KCMF1: variants seen among roughly 807,000 people sequenced by gnomAD.
The protein encoded by KCMF1 is E3 ubiquitin-protein ligase KCMF1.
A neutral mutation model predicts 41.1 loss-of-function variants in KCMF1; 3 were observed. The observed-to-expected ratio is 0.07, with a 90% CI of 0.03 to 0.19. KCMF1 has a LOEUF of 0.19. KCMF1 is among the 10% of genes least tolerant of loss of function. The pLI, the probability that KCMF1 is intolerant of heterozygous loss-of-function variation, is 1.00. For missense variants in KCMF1, 286 were observed against 488.9 expected, an observed-to-expected ratio of 0.58 and a Z score of 3.91; for synonymous variants, 142 against 164.5, an observed-to-expected ratio of 0.86 and a Z score of 1.04.
intron 3 of KCMF1, among the ~76,000 whole-genome samples, chr2:85,039,167 C>T (rs1675467996): frequency 6.6e-6 from 1 of 152,156 alleles, no homozygotes; most frequent in African/African-American, 2.4e-5. Flanking sequence ...ACGGATTAGT[C>T]CATGGTAACA....
chr2:85,024,579 AGAGAGTGTGT>A (rs1005214524), intron 1 of KCMF1, among the ~76,000 whole-genome samples: 6 of 141,190 alleles, frequency 4.2e-5, no homozygotes, highest in Non-Finnish European at 7.8e-5. Context: ...AGAGAGAGAG[AGAGAGTGTGT>A]GTGTGTGTGT....
intron 5 of KCMF1, among the ~76,000 whole-genome samples, chr2:85,048,639 GACAAA>G (rs1675728295): frequency 6.6e-6 from 1 of 152,192 alleles, no homozygotes; most frequent in Non-Finnish European, 1.5e-5. Context: ...AGGATGCGGG[GACAAA>G]AGTTTACACC....
intron 1 of KCMF1, among the ~76,000 whole-genome samples, chr2:85,013,650 T>C (rs1408107307): frequency 6.6e-6 from 1 of 151,964 alleles, no homozygotes; most frequent in East Asian, 1.9e-4. Flanking sequence ...GTACAAAAAT[T>C]AGCCAGGCAT....
At chr2:84,983,212 A>G (rs1426014412) in intron 1 of KCMF1, among the ~76,000 whole-genome samples, 3 of 152,360 alleles carry the variant, frequency 2.0e-5, no homozygotes, top group South Asian at 2.1e-4. Context: ...ACATTTTTAA[A>G]AAAGGAGGTG....
At chr2:84,974,246 A>G (rs573408083) in intron 1 of KCMF1, among the ~76,000 whole-genome samples, 2 of 152,332 alleles carry the variant, frequency 1.3e-5, no homozygotes, top group South Asian at 4.1e-4. Context: ...ATAGTCTGGT[A>G]AAAGGTTTGA....
intron 1 of KCMF1, among the ~76,000 whole-genome samples, chr2:85,022,189 A>G: frequency 6.6e-6 from 1 of 152,072 alleles, no homozygotes; most frequent in East Asian, 1.9e-4. Context: ...TCTACAACCT[A>G]GGCTGGTCTC....
chr2:84,985,080 GA>G (rs1187285322), intron 1 of KCMF1, among the ~76,000 whole-genome samples: 3 of 150,108 alleles, frequency 2.0e-5, no homozygotes, highest in Non-Finnish European at 1.5e-5. Flanking sequence ...AGATTTAAAG[GA>G]AAAAAAAATA....
chr2:85,003,520 C>T (rs2103992687), intron 1 of KCMF1, among the ~76,000 whole-genome samples: 1 of 151,972 alleles, frequency 6.6e-6, no homozygotes, highest in South Asian at 2.1e-4. Context: ...GTTTGCCTCG[C>T]TTCAATCTCT....
intron 1 of KCMF1, among the ~76,000 whole-genome samples, chr2:84,990,023 G>A (rs569006119): frequency 2.6e-5 from 4 of 152,320 alleles, no homozygotes; most frequent in African/African-American, 7.2e-5. Context: ...GAGAGTATTG[G>A]TGTTGAAACT....
intron 1 of KCMF1, among the ~76,000 whole-genome samples, chr2:85,005,408 C>A (rs1026961570): frequency 2.0e-5 from 3 of 152,082 alleles, no homozygotes; most frequent in East Asian, 3.9e-4. Flanking sequence ...CCTCCCTCAG[C>A]CTCCTGAGTA....
chr2:85,005,679 ATTTTTT>A (rs1404750806), intron 1 of KCMF1, among the ~76,000 whole-genome samples: 1 of 151,890 alleles, frequency 6.6e-6, no homozygotes, highest in East Asian at 1.9e-4. Context: ...TTTTATTTTT[ATTTTTT>A]AATAAACTAG....
At chr2:85,010,571 A>G (rs953003643) in intron 1 of KCMF1, among the ~76,000 whole-genome samples, 1 of 152,224 alleles carries the variant, frequency 6.6e-6, no homozygotes, top group Admixed American at 6.5e-5. Context: ...GCCACCAGCC[A>G]CATGAGCACT....
At chr2:84,995,981 ATGT>A (rs762922761) in intron 1 of KCMF1, among the ~76,000 whole-genome samples, 4 of 152,266 alleles carry the variant, frequency 2.6e-5, no homozygotes, top group Non-Finnish European at 5.9e-5. Flanking sequence ...CATAACAGAC[ATGT>A]TGTATTGAAG....
At chr2:84,992,277 A>G (rs1195380282) in intron 1 of KCMF1, among the ~76,000 whole-genome samples, 1 of 152,108 alleles carries the variant, frequency 6.6e-6, no homozygotes, top group African/African-American at 2.4e-5. Context: ...TTTTTTTGAG[A>G]TGGAATCTCA....
At chr2:85,031,093 T>G (rs1222228051) in intron 2 of KCMF1, among the ~76,000 whole-genome samples, 3 of 152,232 alleles carry the variant, frequency 2.0e-5, no homozygotes, top group Non-Finnish European at 4.4e-5. Flanking sequence ...CCAACTTTGT[T>G]CTTTTTCAAT....
chr2:85,025,406 A>G (rs1390025862), intron 1 of KCMF1, among the ~76,000 whole-genome samples: 2 of 152,178 alleles, frequency 1.3e-5, no homozygotes, highest in African/African-American at 2.4e-5. Flanking sequence ...TTTTAGGTGT[A>G]CAGTTCAGTA....
At chr2:84,980,941 T>TA (rs1487520529) in intron 1 of KCMF1, among the ~76,000 whole-genome samples, 3 of 152,026 alleles carry the variant, frequency 2.0e-5, no homozygotes, top group Admixed American at 2.0e-4. Flanking sequence ...ACACCCAGCC[T>TA]AGCCTCATCT....
At chr2:85,042,577 C>T (rs116376408) in intron 3 of KCMF1, among the ~76,000 whole-genome samples, 1,866 of 152,300 alleles carry the variant, frequency 0.012, 48 homozygotes, top group African/African-American at 0.043. Flanking sequence ...CACAAGTCTA[C>T]AACTTGAACT....
chr2:85,046,948 AT>A (rs1026264531), intron 5 of KCMF1, among the ~76,000 whole-genome samples: 1 of 152,130 alleles, frequency 6.6e-6, no homozygotes, highest in East Asian at 1.9e-4. Flanking sequence ...GATTTACTCT[AT>A]TTTGTTGGGA....
Sources: allele counts gnomAD v4.1 joint callset (sites outside exome capture counted in the v4.1 genomes callset), GRCh38; gene constraint gnomAD v4.1.1; transcripts MANE v1.5; gene names NCBI Gene and HGNC (gene_info 2026-07-23, HGNC 2026-07-21).